Variants in ZNF569 observed in about 807,000 individuals in gnomAD.
ZNF569 encodes the protein DNA-binding protein.
A neutral mutation model predicts 56.3 loss-of-function variants in ZNF569; 38 were observed. That is an observed-to-expected ratio of 0.68 (90% CI 0.52 to 0.88). ZNF569 has a LOEUF of 0.88. Ranked by LOEUF, ZNF569 falls within the 40% of genes least tolerant of loss-of-function variation. The pLI is 0.00. For synonymous variants in ZNF569, 241 were observed against 262.9 expected, an observed-to-expected ratio of 0.92 and a Z score of 0.81; for missense variants, 666 against 809.2, an observed-to-expected ratio of 0.82 and a Z score of 2.15.
intron 3 of ZNF569, among the ~76,000 whole-genome samples, chr19:37,433,015 T>C (rs2041250668): frequency 1.3e-5 from 2 of 149,452 alleles, no homozygotes; most frequent in African/African-American, 4.9e-5. Flanking sequence ...GTGATCCTCC[T>C]ACCTCAGCCT....
Position 37,411,664 on chromosome 19 carries a change from T to C in ZNF569, c.*933A>G, listed in dbSNP as rs1163787743. On this transcript the variant is annotated 3_prime_UTR_variant, in exon 6 of 6. Transcript: ENST00000316950. Reference sequence around the variant, plus strand: ...TTCATCATAGTTTTAAAATTTTGCTTTTTATATTCTGGTCTTTAGTTGGAT... The same window carrying C: ...TTCATCATAGTTTTAAAATTTTGCTCTTTATATTCTGGTCTTTAGTTGGAT... 3.3e-5 allele frequency: 5 copies of C among 152,152 alleles called. No individual in the cohort carries two copies. The highest frequency in any genetic ancestry group is 7.4e-5 in the Non-Finnish European group (5 of 67,984). 9.4% of individuals were successfully genotyped at this position (152,152 alleles called of 1,614,324 possible).
upstream of ZNF569, chr19:37,467,499 CA>C: frequency 4.3e-6 from 1 of 233,338 alleles, no homozygotes; most frequent in Non-Finnish European, 8.3e-6. Context: ...ACCCCACCTG[CA>C]AAAAGGCACT....
At chr19:37,423,002 C>T (rs2041063704) in intron 5 of ZNF569, among the ~76,000 whole-genome samples, 1 of 152,146 alleles carries the variant, frequency 6.6e-6, no homozygotes. Context: ...CATACCAAAA[C>T]ATTTGAAAAT....
Position 37,422,919 on chromosome 19 carries a change from A to G in ZNF569, c.238+2949T>C, listed in dbSNP as rs577278087. ...TCCAAGAATACCTCTCTACCCACCT[A>G]TCCCACACAAAAAATAAACAATAGG... On this transcript the variant is annotated intron_variant, in intron 5 of 5. Transcript: ENST00000316950. 2.0e-5 allele frequency among the ~76,000 whole-genome samples: 3 copies of G among 152,324 alleles called. No homozygotes were observed. The South Asian group carries it at 6.2e-4, about 32-fold the overall frequency.
Position 37,413,052 on chromosome 19 carries a change from A to G in ZNF569, c.1606T>C (p.Ser536Pro), listed in dbSNP as rs774107935. The G allele has an allele frequency of 6.2e-6, 10 of 1,613,812 alleles. No individual in the cohort carries two copies. In the African/African-American group the frequency reaches 8.0e-5, roughly 13 times the overall value. Residue 536 changes from serine (S) to proline (P), a missense_variant, in exon 6 of 6, where the codon TCC becomes CCC. Coordinates refer to ENST00000316950, the MANE Select transcript of ZNF569 (RefSeq NM_152484.3). Reference sequence around the variant, plus strand: ...TGACTTCTCAAATGAAGGGTAAGGGATGCAATTTGAGAGAAGGCTTTACCA... The same window carrying G: ...TGACTTCTCAAATGAAGGGTAAGGGGTGCAATTTGAGAGAAGGCTTTACCA... ...ECGKAFSQIA[S>P]LTLHLRSHTG...
chr19:37,429,038 A>T (rs2041182847), intron 3 of ZNF569, among the ~76,000 whole-genome samples: 1 of 152,042 alleles, frequency 6.6e-6, no homozygotes, highest in Non-Finnish European at 1.5e-5. Flanking sequence ...GACTGATCTT[A>T]AAAAAAAGAA....
chr19:37,430,792 G>A (rs1057175293), intron 3 of ZNF569, among the ~76,000 whole-genome samples: 18 of 152,218 alleles, frequency 1.2e-4, no homozygotes, highest in Non-Finnish European at 2.2e-4. Context: ...AAAGACAGTC[G>A]TGAATTGCTG....
chr19:37,469,259 G>A, upstream of ZNF569: 2 of 1,393,188 alleles, frequency 1.4e-6, no homozygotes, highest in South Asian at 1.6e-5. Flanking sequence ...CTGCGACGCC[G>A]CGACCTTTTC....
At chr19:37,432,915 T>G (rs1349571324) in intron 3 of ZNF569, among the ~76,000 whole-genome samples, 1 of 149,830 alleles carries the variant, frequency 6.7e-6, no homozygotes, top group African/African-American at 2.5e-5. Context: ...TTTTTTTTTT[T>G]TTTTTTTTTT....
intron 2 of ZNF569, chr19:37,455,009 G>A (rs1250166742): frequency 2.1e-5 from 12 of 577,748 alleles, no homozygotes; most frequent in African/African-American, 5.7e-5. Context: ...CTTGTTGTAC[G>A]GTAGAAGTTT....
At chr19:37,426,655 A>T (rs556293246) in intron 3 of ZNF569, among the ~76,000 whole-genome samples, 10 of 152,364 alleles carry the variant, frequency 6.6e-5, no homozygotes, top group Non-Finnish European at 1.2e-4. Flanking sequence ...AGATCTCACA[A>T]GATACCAAAG....
At chr19:37,419,660 T>C (rs2040996457) in intron 5 of ZNF569, among the ~76,000 whole-genome samples, 1 of 151,704 alleles carries the variant, frequency 6.6e-6, no homozygotes, top group Non-Finnish European at 1.5e-5. Context: ...GAGGTGGAGG[T>C]TGCAGTGAGC....
At chr19:37,418,937 A>C (rs186611848) in intron 5 of ZNF569, among the ~76,000 whole-genome samples, 90 of 152,332 alleles carry the variant, frequency 5.9e-4, no homozygotes, top group African/African-American at 2.1e-3. Context: ...AGGAAAATGG[A>C]AATTTTTCTC....
At chr19:37,464,909 C>T (rs746376488) in intron 2 of ZNF569, among the ~76,000 whole-genome samples, 3 of 152,158 alleles carry the variant, frequency 2.0e-5, no homozygotes, top group Non-Finnish European at 4.4e-5. Context: ...TGCTCAAAAA[C>T]CCTCCAGCAG....
chr19:37,464,013 G>C (rs903832507), intron 2 of ZNF569, among the ~76,000 whole-genome samples: 2 of 152,074 alleles, frequency 1.3e-5, no homozygotes, highest in African/African-American at 4.8e-5. Flanking sequence ...AAGAGTTACA[G>C]TAAGCTGAGG....
intron 3 of ZNF569, among the ~76,000 whole-genome samples, chr19:37,430,978 C>A (rs2041216380): frequency 6.6e-6 from 1 of 152,172 alleles, no homozygotes; most frequent in African/African-American, 2.4e-5. Flanking sequence ...AGTTGGTGCC[C>A]ACACCAGAAG....
At position 37,437,636 on chromosome 19, in the gene ZNF569, A is replaced by G. The variant is rs112355521; in HGVS notation, c.15+7271T>C. ...TGATAAACAAATTCAGTAAAGTTGC[A>G]GGATACAAAATCAACATAGAAAAAT... On this transcript the variant is annotated intron_variant, in intron 3 of 5. Transcript: ENST00000316950. 7.1e-3 allele frequency among the ~76,000 whole-genome samples: 1,079 copies of G among 152,344 alleles called. 15 individuals are homozygous for G. Among genetic ancestry groups the G allele is most frequent in the African/African-American group, 0.024 (1,005 of 41,576 alleles).
At position 37,445,985 on chromosome 19, in the gene ZNF569, A is replaced by C. The variant is rs559314356; in HGVS notation, c.-43-1021T>G. 1.2e-4 allele frequency among the ~76,000 whole-genome samples: 18 copies of C among 152,334 alleles called. No individual in the cohort carries two copies. The South Asian group carries it at 3.7e-3, about 32-fold the overall frequency. Reference sequence around the variant, plus strand: ...CATATGGAACCAAAAAAGAGCCCACATAGCCAAAGCAAGACTAAGCAAAAA... The same window carrying C: ...CATATGGAACCAAAAAAGAGCCCACCTAGCCAAAGCAAGACTAAGCAAAAA... On this transcript the variant is annotated intron_variant, in intron 2 of 5. Transcript: ENST00000316950.
At chr19:37,432,133 C>T (rs1019286086) in intron 3 of ZNF569, among the ~76,000 whole-genome samples, 4 of 152,232 alleles carry the variant, frequency 2.6e-5, no homozygotes, top group Non-Finnish European at 5.9e-5. Flanking sequence ...ACAAGACTGG[C>T]TGGCTTTGCC....
Sources: gnomAD v4.1 joint callset for allele counts (sites outside exome capture counted in the v4.1 genomes callset) on GRCh38, gnomAD v4.1.1 for gene constraint, MANE v1.5 for transcripts, NCBI Gene and HGNC (gene_info 2026-07-23, HGNC 2026-07-21) for gene names.